Variants in INPP4B observed in about 807,000 individuals in gnomAD.
INPP4B encodes the protein inositol polyphosphate-4-phosphatase type II B, also known as inositol polyphosphate 4-phosphatase type II.
Under a neutral mutation model 122.5 loss-of-function variants are expected in INPP4B, and 55 were observed. The observed-to-expected ratio is 0.45, with a 90% CI of 0.36 to 0.56. The LOEUF (loss-of-function observed/expected upper bound fraction) is 0.56, where lower values mean the gene tolerates loss of function less well. INPP4B is among the 20% of genes least tolerant of loss of function. INPP4B has a pLI of 0.00. For synonymous variants in INPP4B, 403 were observed against 388.7 expected (o/e 1.04, Z -0.43); for missense variants, 1,000 against 1,097.7 (o/e 0.91, Z 1.26).
chr4:142,365,288 C>A lies in INPP4B; in HGVS notation c.372+37650G>T, dbSNP rs187352458. ...ATAAAAGCATTTCATGTTTGATCCC[C>A]ACTGAGCTAAGCCTTCTCAATAATC... On this transcript the variant is annotated intron_variant, in intron 7 of 25. Coordinates refer to ENST00000262992, the MANE Select transcript of INPP4B (RefSeq NM_001101669.3). Among the ~76,000 whole-genome samples the A allele has an allele frequency of 1.6e-4, 25 of 152,248 alleles. 2 individuals are homozygous for A. The East Asian group carries it at 3.5e-3, about 21-fold the overall frequency.
intron 10 of INPP4B, among the ~76,000 whole-genome samples, chr4:142,263,718 G>A (rs1320232030): frequency 8.3e-6 from 1 of 120,780 alleles, no homozygotes; most frequent in East Asian, 2.7e-4. Flanking sequence ...CAAAAATAAT[G>A]CAGAGAAAGG....
chr4:142,066,255 C>A (rs1381277695), intron 25 of INPP4B, among the ~76,000 whole-genome samples: 2 of 152,136 alleles, frequency 1.3e-5, no homozygotes, highest in African/African-American at 4.8e-5. Flanking sequence ...TCTCTATTTT[C>A]TTCTGAAACA....
intron 7 of INPP4B, among the ~76,000 whole-genome samples, chr4:142,395,096 A>T (rs1007492071): frequency 1.3e-5 from 2 of 152,252 alleles, no homozygotes; most frequent in African/African-American, 4.8e-5. Context: ...AAAAAAGCAA[A>T]CAAAGTTTTT....
intron 17 of INPP4B, among the ~76,000 whole-genome samples, chr4:142,156,001 A>G (rs1816971341): frequency 6.7e-6 from 1 of 148,152 alleles, no homozygotes; most frequent in Non-Finnish European, 1.5e-5. Flanking sequence ...AATATGAAAT[A>G]GCAAATGTTT....
At chr4:142,402,762 T>G (rs2306913) in intron 7 of INPP4B, among the ~76,000 whole-genome samples, 176 bp downstream of exon 7, 43,274 of 151,976 alleles carry the variant, frequency 0.28, 7,679 homozygotes, top group South Asian at 0.46. Context: ...CCTAACCAAT[T>G]GCCAATTTGG....
chr4:142,157,142 G>T (rs1027545674), intron 17 of INPP4B, among the ~76,000 whole-genome samples: 1 of 151,998 alleles, frequency 6.6e-6, no homozygotes, highest in Non-Finnish European at 1.5e-5. Context: ...AGTATACAAA[G>T]TTATGTTTCT....
At chr4:142,383,274 A>C (rs1404510001) in intron 7 of INPP4B, among the ~76,000 whole-genome samples, 1 of 152,122 alleles carries the variant, frequency 6.6e-6, no homozygotes, top group Non-Finnish European at 1.5e-5. Flanking sequence ...TTAGTATTAA[A>C]CCTACCTAGT....
rs1289509679 is a variant in INPP4B, at chr4:142,654,207, A to G, written c.-191+71632T>C. Among the ~76,000 whole-genome samples the G allele has an allele frequency of 2.0e-5, 3 of 151,904 alleles. 1 individual carries two copies. Among genetic ancestry groups the G allele is most frequent in the Non-Finnish European group, 4.4e-5 (3 of 67,958 alleles). On this transcript the variant is annotated intron_variant, in intron 2 of 25. Transcript: ENST00000262992. ...AGACACAGGGAGGGAAACATCACACACCAGGGCCTGTTAGTGGGTAGGGGG... is the reference window on the plus strand; with the variant it reads ...AGACACAGGGAGGGAAACATCACACGCCAGGGCCTGTTAGTGGGTAGGGGG...
At chr4:142,197,923 T>C (rs1839034343) in intron 14 of INPP4B, among the ~76,000 whole-genome samples, 1 of 152,146 alleles carries the variant, frequency 6.6e-6, no homozygotes, top group Non-Finnish European at 1.5e-5. Flanking sequence ...CAAAAAAACT[T>C]ATACTGTAAA....
chr4:142,622,455 G>C (rs993672971), intron 2 of INPP4B, among the ~76,000 whole-genome samples: 1 of 151,908 alleles, frequency 6.6e-6, no homozygotes, highest in African/African-American at 2.4e-5. Context: ...GAATTGGGCA[G>C]ATAAAAGAGT....
chr4:142,413,989 G>A (rs1306009555), intron 5 of INPP4B, among the ~76,000 whole-genome samples: 1 of 152,076 alleles, frequency 6.6e-6, no homozygotes, highest in Non-Finnish European at 1.5e-5. Context: ...AGATGACGGA[G>A]TTATTGAGGA....
At chr4:142,326,727 C>CA (rs1441474316) in intron 7 of INPP4B, among the ~76,000 whole-genome samples, 1 of 152,158 alleles carries the variant, frequency 6.6e-6, no homozygotes, top group Non-Finnish European at 1.5e-5. Flanking sequence ...TACTGTAAAA[C>CA]TTATAGTTGA....
At chr4:142,568,011 G>C (rs537137551) in intron 2 of INPP4B, among the ~76,000 whole-genome samples, 1 of 152,270 alleles carries the variant, frequency 6.6e-6, no homozygotes, top group Non-Finnish European at 1.5e-5. Flanking sequence ...ACAGAGCAAG[G>C]CTTCAATTAA....
chr4:142,818,594 G>C (rs931789717), intron 1 of INPP4B, among the ~76,000 whole-genome samples: 11 of 152,072 alleles, frequency 7.2e-5, no homozygotes, highest in African/African-American at 2.4e-4. Flanking sequence ...AAAGGAAATT[G>C]ATACAGCATT....
chr4:142,215,688 T>C (rs1329640680), intron 12 of INPP4B, among the ~76,000 whole-genome samples: 1 of 151,130 alleles, frequency 6.6e-6, no homozygotes, highest in Non-Finnish European at 1.5e-5. Flanking sequence ...GGTCAGGAGA[T>C]TGAGACCATC....
At chr4:142,183,932 A>C (rs1832017203) in intron 15 of INPP4B, among the ~76,000 whole-genome samples, 1 of 152,108 alleles carries the variant, frequency 6.6e-6, no homozygotes, top group African/African-American at 2.4e-5. Context: ...ATATATCTCT[A>C]GGTGTACACA....
chr4:142,168,713 G>A (rs1325423520), intron 16 of INPP4B, among the ~76,000 whole-genome samples: 1 of 151,486 alleles, frequency 6.6e-6, no homozygotes, highest in Admixed American at 6.6e-5. Context: ...CTGTGGACAT[G>A]GGTAGCTTAT....
chr4:142,178,850 AT>A lies in INPP4B; in HGVS notation c.1182-5042del, dbSNP rs1370587335. ...CCTACTTGTAAAAAAAAAAAAAAAA[AT>A]GTGGTCTCTTGAATCCAGAGGAAGG... On this transcript the variant is annotated intron_variant, in intron 15 of 25. Transcript: ENST00000262992. Among the ~76,000 whole-genome samples, 743 of 149,498 alleles carry A rather than the reference AT, an allele frequency of 5.0e-3. 9 individuals carry two copies. The highest frequency in any genetic ancestry group is 0.018 in the African/African-American group (708 of 40,244).
intron 25 of INPP4B, among the ~76,000 whole-genome samples, chr4:142,034,952 C>T (rs373760029): frequency 1.3e-5 from 2 of 152,100 alleles, no homozygotes; most frequent in African/African-American, 4.8e-5. Context: ...GGAACACACA[C>T]ACACACATAT....
Sources: gnomAD v4.1 joint callset for allele counts (sites outside exome capture counted in the v4.1 genomes callset) on GRCh38, gnomAD v4.1.1 for gene constraint, MANE v1.5 for transcripts, NCBI Gene and HGNC (gene_info 2026-07-23, HGNC 2026-07-21) for gene names.